Variants in SEMA6D observed in about 807,000 individuals in gnomAD.
The protein encoded by SEMA6D is semaphorin 6D.
SEMA6D carries 35 observed loss-of-function variants against 106.6 expected under a neutral mutation model. That is an observed-to-expected ratio of 0.33 (90% CI 0.25 to 0.44). The LOEUF is 0.44. SEMA6D is among the 20% of genes least tolerant of loss of function. The pLI is 1.00. For synonymous variants in SEMA6D, 499 were observed against 487.7 expected, an observed-to-expected ratio of 1.02 and a Z score of -0.31; for missense variants, 1,185 against 1,345.9, an observed-to-expected ratio of 0.88 and a Z score of 1.87.
At chr15:47,247,020 A>C (rs1158601643) in intron 1 of SEMA6D, among the ~76,000 whole-genome samples, 1 of 152,168 alleles carries the variant, frequency 6.6e-6, no homozygotes, top group Admixed American at 6.5e-5. Context: ...TAATGTTATC[A>C]ATCTATTGAC....
chr15:47,603,588 A>G (rs1209253575), intron 4 of SEMA6D: 2 of 152,158 alleles, frequency 1.3e-5, no homozygotes, highest in Admixed American at 1.3e-4. Flanking sequence ...CTGTCCCGCC[A>G]ACCCCATTTT....
At chr15:47,474,176 T>G (rs1264015647) in intron 3 of SEMA6D, among the ~76,000 whole-genome samples, 1 of 152,174 alleles carries the variant, frequency 6.6e-6, no homozygotes, top group Admixed American at 6.5e-5. Flanking sequence ...CGCCTTGCTT[T>G]TGGACTCATG....
chr15:47,529,395 C>T (rs571174279), intron 3 of SEMA6D, among the ~76,000 whole-genome samples: 1 of 152,156 alleles, frequency 6.6e-6, no homozygotes, highest in South Asian at 2.1e-4. Context: ...TGGACTAGCA[C>T]AGTTCAAACC....
chr15:47,464,263 G>C (rs1378271646), intron 2 of SEMA6D, among the ~76,000 whole-genome samples: 2 of 152,018 alleles, frequency 1.3e-5, no homozygotes, highest in South Asian at 2.1e-4. Context: ...GAGGAATAAA[G>C]TAAAATATAT....
chr15:47,440,242 C>G (rs2041841189), intron 2 of SEMA6D, among the ~76,000 whole-genome samples: 1 of 152,002 alleles, frequency 6.6e-6, no homozygotes, highest in Non-Finnish European at 1.5e-5. Context: ...AAAGAGAGAA[C>G]TCAAAAGATG....
chr15:47,650,119 C>A (rs2077657897), intron 4 of SEMA6D, among the ~76,000 whole-genome samples: 1 of 152,160 alleles, frequency 6.6e-6, no homozygotes, highest in Non-Finnish European at 1.5e-5. Context: ...ATCTTATCCT[C>A]CCAGCAATCC....
At chr15:47,445,819 C>T (rs565413228) in intron 2 of SEMA6D, among the ~76,000 whole-genome samples, 11 of 152,120 alleles carry the variant, frequency 7.2e-5, no homozygotes, top group Non-Finnish European at 1.0e-4. Flanking sequence ...ACCCCATTCA[C>T]GCTCCATATC....
chr15:47,399,992 G>T (rs1413957987), intron 1 of SEMA6D, among the ~76,000 whole-genome samples: 2 of 152,206 alleles, frequency 1.3e-5, no homozygotes, highest in East Asian at 3.9e-4. Flanking sequence ...TTAGAGTTTA[G>T]GTCATACACT....
intron 1 of SEMA6D, among the ~76,000 whole-genome samples, chr15:47,256,231 GA>G (rs574685541): frequency 3.1e-4 from 47 of 151,904 alleles, no homozygotes; most frequent in African/African-American, 1.1e-3. Context: ...CTTAATAAAA[GA>G]AAAAAAATTT....
At chr15:47,559,942 C>T (rs2046028610) in intron 3 of SEMA6D, among the ~76,000 whole-genome samples, 1 of 151,950 alleles carries the variant, frequency 6.6e-6, no homozygotes, top group South Asian at 2.1e-4. Flanking sequence ...TATGCAGACA[C>T]AGAGATGATC....
At chr15:47,321,185 C>A (rs1366977081) in intron 1 of SEMA6D, among the ~76,000 whole-genome samples, 2 of 152,108 alleles carry the variant, frequency 1.3e-5, no homozygotes, top group East Asian at 3.9e-4. Flanking sequence ...CAAGGGAAGC[C>A]CATCTTCCTG....
At position 47,371,649 on chromosome 15, in the gene SEMA6D, T is replaced by C. The variant is rs1047540156; in HGVS notation, c.-238-40744T>C. On this transcript the variant is annotated intron_variant, in intron 1 of 19. Transcript: ENST00000558014. ...TGCATATGTGGTACTGAGCAACTTG[T>C]TGACCCTCGCGTGCCATGTTTCCGA... Among the ~76,000 whole-genome samples, 4 of 152,206 alleles carry C rather than the reference T, an allele frequency of 2.6e-5. No homozygotes were observed. The East Asian group carries it at 7.7e-4, about 29-fold the overall frequency.
intron 2 of SEMA6D, among the ~76,000 whole-genome samples, chr15:47,449,968 C>T (rs531358843): frequency 5.3e-5 from 8 of 152,220 alleles, no homozygotes; most frequent in African/African-American, 1.9e-4. Flanking sequence ...CTCTCAGAGA[C>T]ACATCTCGAC....
intron 1 of SEMA6D, among the ~76,000 whole-genome samples, chr15:47,246,224 C>T (rs1475852105): frequency 2.0e-5 from 3 of 152,038 alleles, no homozygotes; most frequent in Non-Finnish European, 4.4e-5. Flanking sequence ...AGAGATGCTT[C>T]CAGAAACAAG....
intron 1 of SEMA6D, among the ~76,000 whole-genome samples, chr15:47,281,204 T>G (rs4566094): frequency 0.56 from 62,492 of 111,316 alleles, 17,747 homozygotes; most frequent in East Asian, 0.9. Flanking sequence ...TTATGAATCT[T>G]GGTGCTCCTG....
At chr15:47,436,948 A>G (rs1039435622) in intron 2 of SEMA6D, among the ~76,000 whole-genome samples, 1 of 147,628 alleles carries the variant, frequency 6.8e-6, no homozygotes, top group Non-Finnish European at 1.5e-5. Context: ...AAAAAAAAAT[A>G]AAAGAAGAAA....
chr15:47,731,369 G>A (rs1055953367), intron 1 of SEMA6D, among the ~76,000 whole-genome samples: 3 of 151,818 alleles, frequency 2.0e-5, no homozygotes, highest in Non-Finnish European at 2.9e-5. Flanking sequence ...TTTCAAAGTA[G>A]AGAGCCAAAC....
chr15:47,356,763 T>C (rs1019017947), intron 1 of SEMA6D, among the ~76,000 whole-genome samples: 3 of 152,160 alleles, frequency 2.0e-5, no homozygotes, highest in African/African-American at 7.2e-5. Context: ...CACCTGCATT[T>C]ATCCTTCCAT....
chr15:47,435,493 T>C (rs915861787), intron 2 of SEMA6D, among the ~76,000 whole-genome samples: 1 of 152,078 alleles, frequency 6.6e-6, no homozygotes, highest in African/African-American at 2.4e-5. Flanking sequence ...GCAAGTCTAA[T>C]GACATGTGGC....
Sources: allele counts gnomAD v4.1 joint callset (sites outside exome capture counted in the v4.1 genomes callset), GRCh38; gene constraint gnomAD v4.1.1; transcripts MANE v1.5; gene names NCBI Gene and HGNC (gene_info 2026-07-23, HGNC 2026-07-21).